SAMSN1: variants seen among roughly 807,000 people sequenced by gnomAD.
The protein encoded by SAMSN1 is SAM domain-containing protein SAMSN-1.
A neutral mutation model predicts 42.0 loss-of-function variants in SAMSN1; 31 were observed. The ratio of observed to expected loss-of-function variants is 0.74; its 90% CI spans 0.55 to 1.00. The LOEUF is 1.00. Among genes scored for constraint, SAMSN1 ranks in the 50% least tolerant of loss-of-function variants. SAMSN1 has a pLI of 0.00. For missense variants in SAMSN1, 464 were observed against 439.4 expected, an observed-to-expected ratio of 1.06 and a Z score of -0.50; for synonymous variants, 178 against 151.9, an observed-to-expected ratio of 1.17 and a Z score of -1.26.
At chr21:14,624,870 A>T (rs189560383) in intron 2 of SAMSN1, among the ~76,000 whole-genome samples, 61 of 152,312 alleles carry the variant, frequency 4.0e-4, no homozygotes, top group Non-Finnish European at 7.8e-4. Context: ...TCGATGTAAA[A>T]ATCCTCAATA....
intron 6 of SAMSN1, among the ~76,000 whole-genome samples, chr21:14,500,130 G>T (rs73344129): frequency 0.056 from 8,559 of 151,982 alleles, 782 homozygotes; most frequent in African/African-American, 0.2. Flanking sequence ...ACTTGATTTT[G>T]ATCTCTGCTT....
intron 1 of SAMSN1, among the ~76,000 whole-genome samples, chr21:14,533,697 G>A (rs576884258): frequency 6.6e-6 from 1 of 152,154 alleles, no homozygotes; most frequent in Non-Finnish European, 1.5e-5. Context: ...GCATTGATTT[G>A]CTGTGGGAAA....
chr21:14,553,495 T>A (rs1419158348), intron 2 of SAMSN1, among the ~76,000 whole-genome samples: 1 of 152,162 alleles, frequency 6.6e-6, no homozygotes, highest in Non-Finnish European at 1.5e-5. Context: ...GTTTAGTTGT[T>A]CTCCGTTGAG....
chr21:14,594,585 G>A (rs575573560), intron 6 of SAMSN1: 1 of 152,360 alleles, frequency 6.6e-6, no homozygotes, highest in Non-Finnish European at 1.5e-5. Context: ...AAGTCATAGT[G>A]TGGGATGTCT....
intron 2 of SAMSN1, among the ~76,000 whole-genome samples, chr21:14,630,873 T>C (rs1432047396): frequency 1.3e-5 from 2 of 152,198 alleles, no homozygotes; most frequent in African/African-American, 2.4e-5. Context: ...GATGATAATA[T>C]AAGACAGAAC....
intron 1 of SAMSN1, among the ~76,000 whole-genome samples, chr21:14,522,510 A>G (rs1978558382): frequency 6.6e-6 from 1 of 152,238 alleles, no homozygotes; most frequent in South Asian, 2.1e-4. Flanking sequence ...TCAGTAATCT[A>G]TAAAACTTTG....
At chr21:14,628,707 T>C (rs1029573206) in intron 2 of SAMSN1, among the ~76,000 whole-genome samples, 1 of 152,170 alleles carries the variant, frequency 6.6e-6, no homozygotes, top group Non-Finnish European at 1.5e-5. Flanking sequence ...TGTTGGTAAA[T>C]GTCAGAGCCC....
intron 1 of SAMSN1, among the ~76,000 whole-genome samples, chr21:14,652,607 T>C (rs1356698743): frequency 6.6e-6 from 1 of 151,932 alleles, no homozygotes; most frequent in Non-Finnish European, 1.5e-5. Flanking sequence ...TTAGGGAAAA[T>C]CTTCAAGACA....
chr21:14,601,356 C>G (rs1158863621), intron 6 of SAMSN1, among the ~76,000 whole-genome samples: 2 of 152,148 alleles, frequency 1.3e-5, no homozygotes, highest in Non-Finnish European at 1.5e-5. Flanking sequence ...TGTGAGCCCC[C>G]CCTTCCTCAC....
At chr21:14,518,844 A>C (rs113514534) in intron 2 of SAMSN1, among the ~76,000 whole-genome samples, 3 of 152,260 alleles carry the variant, frequency 2.0e-5, no homozygotes, top group Admixed American at 6.5e-5. Context: ...AGCACTTTAA[A>C]ATTTTAGAGT....
chr21:14,585,665 A>C (rs1050340488), upstream of SAMSN1: 6 of 152,208 alleles, frequency 3.9e-5, no homozygotes, highest in Non-Finnish European at 7.4e-5. Flanking sequence ...ACTTTGAGTT[A>C]CTGGACATCA....
intron 1 of SAMSN1, among the ~76,000 whole-genome samples, chr21:14,654,246 G>T (rs77491359): frequency 0.013 from 2,043 of 152,066 alleles, 32 homozygotes; most frequent in Admixed American, 0.021. Context: ...AAGATTGGAT[G>T]CCTTGTCTAC....
intron 2 of SAMSN1, among the ~76,000 whole-genome samples, chr21:14,551,786 G>A (rs1315052711): frequency 6.6e-6 from 1 of 151,956 alleles, no homozygotes; most frequent in African/African-American, 2.4e-5. Context: ...ATCTTCATGA[G>A]CTGGTACTAA....
intron 2 of SAMSN1, among the ~76,000 whole-genome samples, chr21:14,551,694 T>C (rs1338900859): frequency 2.6e-5 from 4 of 152,146 alleles, no homozygotes; most frequent in Non-Finnish European, 5.9e-5. Context: ...TTAATAATAA[T>C]GACTGTCATC....
intron 7 of SAMSN1, among the ~76,000 whole-genome samples, chr21:14,589,240 C>T (rs1414873649): frequency 6.6e-6 from 1 of 151,958 alleles, no homozygotes; most frequent in Non-Finnish European, 1.5e-5. Context: ...GTCTACCAGG[C>T]TATATAAAAA....
chr21:14,622,136 T>A (rs1015341243), intron 2 of SAMSN1, among the ~76,000 whole-genome samples: 1 of 152,096 alleles, frequency 6.6e-6, no homozygotes, highest in Non-Finnish European at 1.5e-5. Context: ...ATCACCATCA[T>A]CAAAGACCAA....
intron 6 of SAMSN1, chr21:14,594,724 G>C (rs2066643585): frequency 6.6e-6 from 1 of 152,172 alleles, no homozygotes; most frequent in Non-Finnish European, 1.5e-5. Flanking sequence ...AAGGGCATTT[G>C]ATGGAGTCTA....
chr21:14,522,667 A>C (rs537628408), intron 1 of SAMSN1, among the ~76,000 whole-genome samples: 5,605 of 152,318 alleles, frequency 0.037, 147 homozygotes, highest in Non-Finnish European at 0.057. Context: ...TTTTCATCAC[A>C]AAAACATCAT....
intron 1 of SAMSN1, among the ~76,000 whole-genome samples, chr21:14,529,767 T>C (rs932486040): frequency 6.6e-6 from 1 of 152,206 alleles, no homozygotes; most frequent in Non-Finnish European, 1.5e-5. Context: ...AAATGTATAG[T>C]AGATGTCAAC....
Sources: allele counts gnomAD v4.1 joint callset (sites outside exome capture counted in the v4.1 genomes callset), GRCh38; gene constraint gnomAD v4.1.1; transcripts MANE v1.5; gene names NCBI Gene and HGNC (gene_info 2026-07-23, HGNC 2026-07-21).